Variants in PDS5A observed in about 807,000 individuals in gnomAD.
PDS5A encodes the protein sister chromatid cohesion protein PDS5 homolog A.
Under a neutral mutation model 167.1 loss-of-function variants are expected in PDS5A, and 42 were observed. The observed-to-expected ratio is 0.25, with a 90% confidence interval of 0.20 to 0.33. The LOEUF (loss-of-function observed/expected upper bound fraction) is 0.33, where lower values mean the gene tolerates loss of function less well. PDS5A is among the 10% of genes least tolerant of loss of function. PDS5A has a pLI of 1.00. For missense variants in PDS5A, 1,033 were observed against 1,605.9 expected (o/e 0.64, Z 6.10); for synonymous variants, 553 against 554.6 (o/e 1.00, Z 0.04).
rs147393940 is a variant in PDS5A, at chr4:39,863,191, G to A, written c.2767-118C>T. The stretch of plus-strand genomic sequence containing the variant: ...ATAATTATATGGGAGAATAAATAAT[G>A]TAATAATTGGAAGACAGTTAAACAG... On this transcript the variant is annotated intron_variant, in intron 24 of 32. Coordinates refer to ENST00000303538, the MANE Select transcript of PDS5A (RefSeq NM_001100399.2). 257 of 932,258 alleles carry A rather than the reference G, an allele frequency of 2.8e-4. No homozygotes were observed. The East Asian group carries it at 6.2e-3, about 23-fold the overall frequency. The allele number at this position is 932,258 out of a possible 1,614,324, so 57.7% of individuals were successfully genotyped here. A position where few individuals can be genotyped will look rare whatever the true frequency, so the allele number is the denominator to read the frequency against.
At position 39,842,909 on chromosome 4, in the gene PDS5A, TTATATA is replaced by T. The variant is rs71194933; in HGVS notation, c.3549-859_3549-854del. Among the ~76,000 whole-genome samples the T allele has an allele frequency of 1.4e-3, 125 of 92,308 alleles. 4 individuals carry two copies. Among genetic ancestry groups the T allele is most frequent in the African/African-American group, 2.1e-3 (38 of 18,208 alleles). The allele number at this position is 92,308 out of a possible 152,430, so 60.6% of individuals were successfully genotyped here. A position where few individuals can be genotyped will look rare whatever the true frequency, so the allele number is the denominator to read the frequency against. On this transcript the variant is annotated intron_variant, in intron 30 of 32. Transcript: ENST00000303538. Reference sequence around the variant, plus strand: ...AGAACAATGTAAACTTATCCTATTTTTATATATATATATATATATATATATATATTT... The same window carrying T: ...AGAACAATGTAAACTTATCCTATTTTTATATATATATATATATATATATTT...
intron 2 of PDS5A, among the ~76,000 whole-genome samples, chr4:39,954,229 A>G (rs1047607879): frequency 3.3e-5 from 5 of 152,018 alleles, no homozygotes; most frequent in African/African-American, 1.2e-4. Context: ...GCAGGGTGGC[A>G]TGTGCCTGTA....
intron 17 of PDS5A, 151 bp downstream of exon 17, chr4:39,890,098 C>T (rs910574795): frequency 1.3e-4 from 61 of 471,778 alleles, no homozygotes; most frequent in Admixed American, 4.8e-4. Flanking sequence ...AATGAGAAGG[C>T]TTTCCCTTCA....
chr4:39,873,388 GT>G (rs1175287379), intron 20 of PDS5A, among the ~76,000 whole-genome samples: 1 of 152,066 alleles, frequency 6.6e-6, no homozygotes, highest in Non-Finnish European at 1.5e-5. Flanking sequence ...ACAAAAAGAA[GT>G]TTAAAGAAAA....
At chr4:39,930,133 T>A (rs1725876506) in intron 2 of PDS5A, among the ~76,000 whole-genome samples, 1 of 136,526 alleles carries the variant, frequency 7.3e-6, no homozygotes, top group African/African-American at 2.8e-5. Flanking sequence ...GAGAATCTCT[T>A]GAACCCGGGA....
intron 19 of PDS5A, among the ~76,000 whole-genome samples, chr4:39,875,034 G>C (rs9990606): frequency 0.32 from 48,507 of 152,046 alleles, 8,471 homozygotes; most frequent in Middle Eastern, 0.44. Context: ...AAAGCACAAA[G>C]ATGTTATTTA....
rs1198821136 is a variant in PDS5A, at chr4:39,824,749, T to C, written c.*736A>G. The stretch of plus-strand genomic sequence containing the variant: ...AAACAAACAACAATATGTACATTTA[T>C]TGCAAATTATATTAAACTAAAATGA... On this transcript the variant is annotated 3_prime_UTR_variant, in exon 33 of 33. Coordinates refer to ENST00000303538, the MANE Select transcript of PDS5A (RefSeq NM_001100399.2). The C allele has an allele frequency of 6.6e-6, 1 of 152,648 alleles. No homozygotes were observed. Among genetic ancestry groups the C allele is most frequent in the Non-Finnish European group, 1.5e-5 (1 of 68,036 alleles). The allele number at this position is 152,648 out of a possible 1,614,324, so 9.5% of individuals were successfully genotyped here.
At chr4:39,859,109 A>T (rs993959533) in intron 26 of PDS5A, among the ~76,000 whole-genome samples, 3 of 152,196 alleles carry the variant, frequency 2.0e-5, no homozygotes, top group African/African-American at 7.2e-5. Context: ...AACCCAATTA[A>T]TAAAAGGGCA....
intron 11 of PDS5A, among the ~76,000 whole-genome samples, chr4:39,904,665 AT>A (rs1723171729): frequency 6.6e-6 from 1 of 152,050 alleles, no homozygotes; most frequent in African/African-American, 2.4e-5. Context: ...CTATTTAGAA[AT>A]TTTCCAATGC....
intron 2 of PDS5A, among the ~76,000 whole-genome samples, chr4:39,965,037 T>C (rs1242409138): frequency 1.3e-5 from 2 of 152,206 alleles, no homozygotes; most frequent in Non-Finnish European, 2.9e-5. Flanking sequence ...AGACTAATCA[T>C]GGCTACAAAT....
chr4:39,913,479 G>A, intron 9 of PDS5A, 132 bp downstream of exon 9: 1 of 576,290 alleles, frequency 1.7e-6, no homozygotes, highest in Non-Finnish European at 3.1e-6. Flanking sequence ...CCATAAGAAG[G>A]ATGGAAACAC....
intron 28 of PDS5A, chr4:39,846,668 C>G (rs967908729): frequency 2.0e-5 from 3 of 152,166 alleles, no homozygotes; most frequent in Admixed American, 1.3e-4. Flanking sequence ...GATGCCTTTT[C>G]CTGCTTAATA....
chr4:39,854,621 ATTCTAGG>A, intron 26 of PDS5A, among the ~76,000 whole-genome samples: 1 of 152,068 alleles, frequency 6.6e-6, no homozygotes, highest in Non-Finnish European at 1.5e-5. Flanking sequence ...TTATGTGCCT[ATTCTAGG>A]TACTCCCACA....
intron 32 of PDS5A, among the ~76,000 whole-genome samples, chr4:39,829,355 A>G (rs945976982): frequency 6.6e-5 from 10 of 152,180 alleles, no homozygotes; most frequent in Non-Finnish European, 1.3e-4. Flanking sequence ...AAGGGCAGTC[A>G]AAACATCAGC....
chr4:39,919,784 C>G lies in PDS5A; in HGVS notation c.735+535G>C, dbSNP rs575428602. On this transcript the variant is annotated intron_variant, in intron 7 of 32. Transcript: ENST00000303538. ...ATTGATTTTTTTAGGAAAAACAAAC[C>G]CAGAACAAATTCCTCAGTAAACCTT... Among the ~76,000 whole-genome samples, 28 of 151,496 alleles carry G rather than the reference C, an allele frequency of 1.8e-4. No homozygotes were observed. In the South Asian group the frequency reaches 4.4e-3, roughly 24 times the overall value.
chr4:39,951,756 C>T (rs1420422076), intron 2 of PDS5A, among the ~76,000 whole-genome samples: 12 of 151,866 alleles, frequency 7.9e-5, no homozygotes, highest in African/African-American at 2.4e-4. Context: ...AAAAATTAGC[C>T]GGGCATGGTG....
intron 7 of PDS5A, 88 bp from the exon 8 acceptor site, chr4:39,917,276 T>A (rs1475194588): frequency 4.7e-6 from 4 of 843,010 alleles, no homozygotes; most frequent in Non-Finnish European, 5.3e-6. Context: ...TATAAATAAT[T>A]TAATTAGGTA....
intron 10 of PDS5A, 66 bp from the exon 11 acceptor site, chr4:39,908,606 C>T (rs1306476662): frequency 2.0e-6 from 2 of 975,794 alleles, no homozygotes; most frequent in Non-Finnish European, 3.2e-6. Context: ...TTTAGAATGG[C>T]AAGAACAGAA....
intron 26 of PDS5A, among the ~76,000 whole-genome samples, chr4:39,860,299 T>C (rs1168184583): frequency 6.6e-6 from 1 of 151,932 alleles, no homozygotes; most frequent in Admixed American, 6.6e-5. Flanking sequence ...AACTGGTCTC[T>C]ACTAAAAATA....
Sources: gnomAD v4.1 joint callset for allele counts (sites outside exome capture counted in the v4.1 genomes callset) on GRCh38, gnomAD v4.1.1 for gene constraint, MANE v1.5 for transcripts, NCBI Gene and HGNC (gene_info 2026-07-23, HGNC 2026-07-21) for gene names.